Variants in UBIAD1 observed in about 807,000 individuals in gnomAD.
The protein encoded by UBIAD1 is ubiA prenyltransferase domain-containing protein 1.
Under a neutral mutation model 20.1 loss-of-function variants are expected in UBIAD1, and 12 were observed. The observed-to-expected ratio is 0.60, with a 90% CI of 0.38 to 0.97. The LOEUF (loss-of-function observed/expected upper bound fraction) is 0.97, where lower values mean the gene tolerates loss of function less well. Among genes scored for constraint, UBIAD1 ranks in the 50% least tolerant of loss-of-function variants. The pLI, the probability that UBIAD1 is intolerant of heterozygous loss-of-function variation, is 0.00. For missense variants in UBIAD1, 333 were observed against 419.5 expected, an observed-to-expected ratio of 0.79 and a Z score of 1.80; for synonymous variants, 207 against 189.2, an observed-to-expected ratio of 1.09 and a Z score of -0.77.
intron 1 of UBIAD1, among the ~76,000 whole-genome samples, chr1:11,275,870 A>G (rs1309459058): frequency 2.0e-5 from 3 of 152,168 alleles, no homozygotes; most frequent in Non-Finnish European, 2.9e-5. Context: ...TCAGGCAGGA[A>G]TGTGTCCAAA....
chr1:11,294,834 C>T, intron 1 of UBIAD1: 1 of 717,468 alleles, frequency 1.4e-6, no homozygotes, highest in Non-Finnish European at 2.6e-6. Flanking sequence ...TGCTCCTGTC[C>T]CCTCATCTGT....
chr1:11,284,122 C>T (rs1652330608), intron 1 of UBIAD1, among the ~76,000 whole-genome samples: 1 of 152,178 alleles, frequency 6.6e-6, no homozygotes, highest in African/African-American at 2.4e-5. Flanking sequence ...TAATTAGAAG[C>T]ATGATGAAGT....
downstream of UBIAD1, among the ~76,000 whole-genome samples, chr1:11,289,911 T>C (rs1425127622): frequency 1.3e-5 from 2 of 152,150 alleles, no homozygotes; most frequent in East Asian, 3.9e-4. Context: ...TTTGTATTTT[T>C]AGTAGAGAAG....
intron 1 of UBIAD1, among the ~76,000 whole-genome samples, chr1:11,284,609 C>T (rs534868782): frequency 1.7e-4 from 26 of 152,222 alleles, no homozygotes; most frequent in African/African-American, 5.1e-4. Flanking sequence ...GGATTACAGG[C>T]GTGTGCCACA....
intron 1 of UBIAD1, among the ~76,000 whole-genome samples, chr1:11,277,693 G>T (rs778079359): frequency 5.9e-5 from 9 of 152,158 alleles, no homozygotes; most frequent in Non-Finnish European, 8.8e-5. Flanking sequence ...TGTTGCCCAG[G>T]CTGGAGTACA....
chr1:11,299,519 G>A (rs59378278), downstream of UBIAD1, among the ~76,000 whole-genome samples: 4,327 of 152,260 alleles, frequency 0.028, 206 homozygotes, highest in African/African-American at 0.099. Flanking sequence ...AAGCGTGATC[G>A]GTTGCCTTTT....
chr1:11,278,488 G>A, intron 1 of UBIAD1: 1 of 427,798 alleles, frequency 2.3e-6, no homozygotes, highest in Non-Finnish European at 3.9e-6. Flanking sequence ...AAATGTCCAG[G>A]TCATGTTTAC....
At chr1:11,278,940 C>T in intron 1 of UBIAD1, 1 of 217,576 alleles carries the variant, frequency 4.6e-6, no homozygotes, top group Non-Finnish European at 9.2e-6. Flanking sequence ...TCTCGGCTCA[C>T]TGCAACCTCT....
rs772428935 is a variant in UBIAD1 at position 11,285,918 on chromosome 1, C to T, written c.804C>T (p.Pro268=). ...TCTACAACACACTGCTCTTCCTGCCCTACCTGGTCTTCAGCATCCTGGCCA... is the reference window on the plus strand; with the variant it reads ...TCTACAACACACTGCTCTTCCTGCCTTACCTGGTCTTCAGCATCCTGGCCA... ...YILYNTLLFL[P]YLVFSILATH... is the part of the protein sequence containing the mutation. The change falls in exon 2 of 2, where the codon CCC becomes CCT. Residue 268 remains proline, a synonymous_variant. Coordinates refer to ENST00000376810, the MANE Select transcript of UBIAD1 (RefSeq NM_013319.3). The surrounding 1 kb of genome is among the most constrained non-coding windows in gnomAD (Gnocchi z 4.4). 1 of 1,614,230 alleles carries T rather than the reference C, an allele frequency of 6.2e-7. No individual in the cohort carries two copies. Among genetic ancestry groups the T allele is most frequent in the Non-Finnish European group, 8.5e-7 (1 of 1,180,038 alleles).
At chr1:11,292,734 G>A (rs927467105), downstream of UBIAD1, among the ~76,000 whole-genome samples, 4 of 149,414 alleles carry the variant, frequency 2.7e-5, no homozygotes, top group African/African-American at 7.4e-5. Flanking sequence ...ATTTCACCTC[G>A]AAAGCCCTTG....
chr1:11,294,014 T>A (rs1424981231), intron 1 of UBIAD1, among the ~76,000 whole-genome samples: 1 of 152,222 alleles, frequency 6.6e-6, no homozygotes, highest in Non-Finnish European at 1.5e-5. Flanking sequence ...CCAGCTCATA[T>A]TCCTGGCACG....
chr1:11,276,007 A>G (rs1189180043), intron 1 of UBIAD1, among the ~76,000 whole-genome samples: 1 of 152,176 alleles, frequency 6.6e-6, no homozygotes, highest in Non-Finnish European at 1.5e-5. Context: ...CTTGTAGGCC[A>G]CTGGTCTTGG....
At position 11,275,495 on chromosome 1, in the gene UBIAD1, C is replaced by T. The variant is rs755238276; in HGVS notation, c.529+1435C>T. On this transcript the variant is annotated intron_variant, in intron 1 of 1. Coordinates refer to ENST00000376810, the MANE Select transcript of UBIAD1 (RefSeq NM_013319.3). ...GTGGCTCATGTCTGTAATCCCAGCC[C>T]TTTGGGAGGCTGAAGCGAGAGGATC... 2.2e-4 allele frequency among the ~76,000 whole-genome samples: 33 copies of T among 152,156 alleles called. 1 individual carries two copies. The highest frequency in any genetic ancestry group is 1.3e-4 in the Admixed American group (2 of 15,270).
At chr1:11,295,476 G>C (rs17036641), downstream of UBIAD1, 10,254 of 153,180 alleles carry the variant, frequency 0.067, 476 homozygotes, top group South Asian at 0.14. Context: ...TGAAAACTCC[G>C]ACACTTCCTT....
chr1:11,297,683 T>C (rs945632644), downstream of UBIAD1, among the ~76,000 whole-genome samples: 10 of 152,150 alleles, frequency 6.6e-5, no homozygotes, highest in Non-Finnish European at 1.3e-4. Flanking sequence ...GGTCAAAGAT[T>C]GTCAAGGTGA....
chr1:11,297,201 G>A (rs1638463354), downstream of UBIAD1, among the ~76,000 whole-genome samples: 1 of 152,190 alleles, frequency 6.6e-6, no homozygotes, highest in Non-Finnish European at 1.5e-5. Flanking sequence ...CAACATGATT[G>A]TATTAGGAGG....
chr1:11,283,596 C>G (rs1319839958), intron 1 of UBIAD1, among the ~76,000 whole-genome samples: 2 of 152,050 alleles, frequency 1.3e-5, no homozygotes, highest in East Asian at 3.8e-4. Context: ...TGAAGAGTGT[C>G]AGTGGCCATG....
At chr1:11,295,678 G>C (rs1188752206), downstream of UBIAD1, 1 of 152,256 alleles carries the variant, frequency 6.6e-6, no homozygotes, top group African/African-American at 2.4e-5. Context: ...GGGAATACCA[G>C]GTGGGAGGCC....
chr1:11,290,119 G>A (rs1244647294), downstream of UBIAD1, among the ~76,000 whole-genome samples: 1 of 152,180 alleles, frequency 6.6e-6, no homozygotes, highest in Non-Finnish European at 1.5e-5. Context: ...ACCCATCTGG[G>A]CCTCCCAAAG....
Sources: gnomAD v4.1 joint callset for allele counts (sites outside exome capture counted in the v4.1 genomes callset) on GRCh38, gnomAD v4.1.1 for gene constraint, Gnocchi (gnomAD v3.1) non-coding constraint, MANE v1.5 for transcripts, NCBI Gene and HGNC (gene_info 2026-07-23, HGNC 2026-07-21) for gene names.